GAPDHS: variants seen among roughly 807,000 people sequenced by gnomAD.
GAPDHS encodes glyceraldehyde-3-phosphate dehydrogenase, spermatogenic, also known as glyceraldehyde-3-phosphate dehydrogenase, testis-specific.
GAPDHS carries 42 observed loss-of-function variants against 48.7 expected under a neutral mutation model. That is an observed-to-expected ratio of 0.86 (90% CI 0.67 to 1.12). GAPDHS has a LOEUF of 1.12. Among genes scored for constraint, GAPDHS ranks in the 50% most tolerant of loss-of-function variants. The pLI, the probability that GAPDHS is intolerant of heterozygous loss-of-function variation, is 0.00. For missense variants in GAPDHS, 512 were observed against 557.7 expected (o/e 0.92, Z 0.82); for synonymous variants, 166 against 219.1 (o/e 0.76, Z 2.14).
Position 35,545,089 on chromosome 19 carries a change from C to T in GAPDHS, c.1155-9C>T. On this transcript the variant is annotated splice_polypyrimidine_tract_variant and intron_variant, in intron 10 of 10. Transcript: ENST00000222286. Reference sequence around the variant, plus strand: ...AACCCCCTTGAACCTCCCGACCCCTCCTCCACAGGTACGACAACGAATATG... The same window carrying T: ...AACCCCCTTGAACCTCCCGACCCCTTCTCCACAGGTACGACAACGAATATG... 1 of 1,613,756 alleles carries T rather than the reference C, an allele frequency of 6.2e-7. No homozygotes were observed. Among genetic ancestry groups the T allele is most frequent in the Non-Finnish European group, 8.5e-7 (1 of 1,179,628 alleles).
At position 35,545,134 on chromosome 19, in the gene GAPDHS, C is replaced by G; in HGVS notation, c.1191C>G (p.Val397=). The change falls in exon 11 of 11, where the codon GTC becomes GTG. Residue 397 remains valine, a synonymous_variant. Transcript: ENST00000222286. ...DNEYGYSHRV[V]DLLRYMFSRD... ...AATATGGCTACAGTCACCGGGTGGT[C>G]GACCTCCTCCGCTACATGTTCAGCC... 1.9e-6 allele frequency: 3 copies of G among 1,614,014 alleles called. No individual in the cohort carries two copies. Among genetic ancestry groups the G allele is most frequent in the Non-Finnish European group, 2.5e-6 (3 of 1,179,888 alleles).
chr19:35,543,074 C>G, intron 7 of GAPDHS, 48 bp downstream of exon 7: 2 of 1,404,102 alleles, frequency 1.4e-6, no homozygotes, highest in Non-Finnish European at 2.0e-6. Flanking sequence ...CAGGGAAACC[C>G]AACTTCTTCC....
intron 2 of GAPDHS, among the ~76,000 whole-genome samples, chr19:35,537,633 A>AAT (rs2071474271): frequency 6.6e-6 from 1 of 152,214 alleles, no homozygotes; most frequent in Non-Finnish European, 1.5e-5. Flanking sequence ...TAAACCCAGC[A>AAT]CTTTGGGAGG....
chr19:35,539,390 A>G (rs2071486869), intron 4 of GAPDHS, among the ~76,000 whole-genome samples: 1 of 152,196 alleles, frequency 6.6e-6, no homozygotes, highest in Admixed American at 6.5e-5. Flanking sequence ...GGCCTGAACC[A>G]GTGTTTCAGT....
intron 4 of GAPDHS, chr19:35,541,155 C>T (rs1271727792): frequency 6.6e-6 from 1 of 150,838 alleles, no homozygotes; most frequent in Non-Finnish European, 1.5e-5. Flanking sequence ...AAAAACAAAA[C>T]AAAACAAAAC....
Position 35,538,574 on chromosome 19 carries a change from C to G in GAPDHS, c.343-3C>G. 1 of 1,573,234 alleles carries G rather than the reference C, an allele frequency of 6.4e-7. No homozygotes were observed. Among genetic ancestry groups the G allele is most frequent in the Non-Finnish European group, 8.7e-7 (1 of 1,142,956 alleles). ...AGACTAGGAGCCATTCCATCCCCCA[C>G]AGGTGTACATGTTTAAGTATGACTC... On this transcript the variant is annotated splice_polypyrimidine_tract_variant and splice_region_variant and intron_variant, in intron 3 of 10. Coordinates refer to ENST00000222286, the MANE Select transcript of GAPDHS (RefSeq NM_014364.5).
chr19:35,536,932 G>A lies in GAPDHS; in HGVS notation c.187G>A (p.Ala63Thr), dbSNP rs377468371. Residue 63 changes from alanine (A) to threonine (T), a missense_variant, in exon 2 of 11, where the codon GCT becomes ACT. Coordinates refer to ENST00000222286, the MANE Select transcript of GAPDHS (RefSeq NM_014364.5). ...PPPPPLPPHPATPPPKMVSVA... is the reference protein window; with the variant it reads ...PPPPPLPPHPTTPPPKMVSVA... ...ACCGCCACCACTGCCTCCTCACCCC[G>A]CTACTCCTCCTCCTAAGATGGTGTC... 20 of 1,613,916 alleles carry A rather than the reference G, an allele frequency of 1.2e-5. No individual in the cohort carries two copies. Among genetic ancestry groups the A allele is most frequent in the African/African-American group, 6.7e-5 (5 of 74,880 alleles).
At position 35,533,535 on chromosome 19, in the gene GAPDHS, A is replaced by C; in HGVS notation, c.8A>C (p.Lys3Thr). 1 of 1,613,682 alleles carries C rather than the reference A, an allele frequency of 6.2e-7. No individual in the cohort carries two copies. The highest frequency in any genetic ancestry group is 8.5e-7 in the Non-Finnish European group (1 of 1,179,826). Reference sequence around the variant, plus strand: ...ATAACCTTATAAGAGGCCATGTCGAAGCGCGACATCGTCCTCACCAATGTC... The same window carrying C: ...ATAACCTTATAAGAGGCCATGTCGACGCGCGACATCGTCCTCACCAATGTC... MS[K>T]RDIVLTNVTV... is the part of the protein sequence containing the mutation. Residue 3 changes from lysine (K) to threonine (T), a missense_variant, in exon 1 of 11, where the codon AAG (lysine) becomes ACG (threonine). By Grantham distance (78) the Lys-to-Thr change is moderately conservative. Transcript: ENST00000222286.
chr19:35,544,863 T>C (rs1235100705), intron 9 of GAPDHS, 46 bp from the exon 10 acceptor site: 2 of 1,138,114 alleles, frequency 1.8e-6, no homozygotes, highest in Admixed American at 3.4e-5. Flanking sequence ...CTCCTGGAGG[T>C]CCTTGCTCTG....
chr19:35,542,899 TCTGCGACTCAC>T lies in GAPDHS; in HGVS notation c.660-43_660-33del, dbSNP rs746213005. The T allele has an allele frequency of 1.8e-5, 26 of 1,438,430 alleles. No individual in the cohort carries two copies. The African/African-American group carries it at 3.5e-4, about 19-fold the overall frequency. The allele number at this position is 1,438,430 out of a possible 1,614,324, so 89.1% of individuals were successfully genotyped here. A position where few individuals can be genotyped will look rare whatever the true frequency, so the allele number is the denominator to read the frequency against. Reference sequence around the variant, plus strand: ...AGAGGGGTAAGGGTGGAGGGGTGGCTCTGCGACTCACCTCACAGTGTCCGTGCACACCTTGG... The same window carrying T: ...AGAGGGGTAAGGGTGGAGGGGTGGCTCTCACAGTGTCCGTGCACACCTTGG... On this transcript the variant is annotated intron_variant, in intron 6 of 10. Transcript: ENST00000222286.
Position 35,538,643 on chromosome 19 carries a change from C to T in GAPDHS, c.409C>T (p.Gln137Ter). Residue 137 changes from glutamine to a stop codon, truncating the protein, a stop_gained, in exon 4 of 11, where the codon CAA becomes TAA. Coordinates refer to ENST00000222286, the MANE Select transcript of GAPDHS (RefSeq NM_014364.5). LOFTEE classifies it high-confidence loss of function. ...YKGSVEFRNG[Q>*]LVVDNHEISV... is the part of the protein sequence containing the mutation. Reference sequence around the variant, plus strand: ...GGGAAGTGTGGAATTCAGGAATGGACAACTGGTCGTGGACAACCATGAGAT... The same window carrying T: ...GGGAAGTGTGGAATTCAGGAATGGATAACTGGTCGTGGACAACCATGAGAT... The T allele has an allele frequency of 1.9e-6, 3 of 1,610,968 alleles. No homozygotes were observed. Among genetic ancestry groups the T allele is most frequent in the Non-Finnish European group, 2.5e-6 (3 of 1,177,142 alleles).
At position 35,539,369 on chromosome 19, in the gene GAPDHS, G is replaced by A. The variant is rs143269672; in HGVS notation, c.449+686G>A. 7.8e-4 allele frequency among the ~76,000 whole-genome samples: 119 copies of A among 152,320 alleles called. 1 individual carries two copies. The highest frequency in any genetic ancestry group is 6.7e-3 in the Admixed American group (103 of 15,310). ...GGCTTGTGCGAACATCCGAACATCCGTTCCCATCATGGCCTGAACCAGTGT... is the reference window on the plus strand; with the variant it reads ...GGCTTGTGCGAACATCCGAACATCCATTCCCATCATGGCCTGAACCAGTGT... On this transcript the variant is annotated intron_variant, in intron 4 of 10. Coordinates refer to ENST00000222286, the MANE Select transcript of GAPDHS (RefSeq NM_014364.5).
Position 35,533,520 on chromosome 19 carries a change from A to T in GAPDHS, c.-8A>T, listed in dbSNP as rs768173880. ...AGGTCCAGGCCAATGATAACCTTATAAGAGGCCATGTCGAAGCGCGACATC... is the reference window on the plus strand; with the variant it reads ...AGGTCCAGGCCAATGATAACCTTATTAGAGGCCATGTCGAAGCGCGACATC... On this transcript the variant is annotated 5_prime_UTR_variant, in exon 1 of 11. An upstream open reading frame in the 5' UTR loses its in-frame stop. Coordinates refer to ENST00000222286, the MANE Select transcript of GAPDHS (RefSeq NM_014364.5). The T allele has an allele frequency of 6.2e-7, 1 of 1,612,832 alleles. No homozygotes were observed. Among genetic ancestry groups the T allele is most frequent in the Non-Finnish European group, 8.5e-7 (1 of 1,179,060 alleles).
intron 2 of GAPDHS, 139 bp from the exon 3 acceptor site, chr19:35,538,168 T>C: frequency 4.8e-6 from 3 of 628,930 alleles, no homozygotes; most frequent in Admixed American, 2.8e-5. Flanking sequence ...TGAGGTCATC[T>C]TGGCAAGAGA....
chr19:35,535,796 G>A (rs1298069779), intron 1 of GAPDHS, among the ~76,000 whole-genome samples: 2 of 143,448 alleles, frequency 1.4e-5, no homozygotes, highest in Non-Finnish European at 3.0e-5. Flanking sequence ...TTGAGACAGA[G>A]TCTCACTCTG....
intron 4 of GAPDHS, chr19:35,541,269 A>C (rs1217366768): frequency 6.6e-6 from 1 of 151,992 alleles, no homozygotes; most frequent in East Asian, 1.9e-4. Flanking sequence ...CACCCTGGGC[A>C]ACAAAAGTGA....
chr19:35,543,132 G>A (rs2071517061), intron 7 of GAPDHS, 106 bp downstream of exon 7: 8 of 1,034,016 alleles, frequency 7.7e-6, no homozygotes. Flanking sequence ...CTGGTTTCGG[G>A]AGGAGAGGCC....
chr19:35,537,324 A>C (rs986640866), intron 2 of GAPDHS, among the ~76,000 whole-genome samples: 7 of 152,190 alleles, frequency 4.6e-5, no homozygotes, highest in African/African-American at 1.7e-4. Flanking sequence ...CAGAGTGATG[A>C]GACACAGCCA....
intron 9 of GAPDHS, chr19:35,544,194 CT>C (rs1423784157): frequency 1.0e-5 from 2 of 192,070 alleles, no homozygotes; most frequent in African/African-American, 2.3e-5. Context: ...TGCCTTTTCA[CT>C]TTTGTGGCTC....
Sources: gnomAD v4.1 joint callset for allele counts (sites outside exome capture counted in the v4.1 genomes callset) on GRCh38, gnomAD v4.1.1 for gene constraint, MANE v1.5 for transcripts, NCBI Gene and HGNC (gene_info 2026-07-23, HGNC 2026-07-21) for gene names.